The following CYP4A11 variants were observed in gnomAD, a reference collection of about 807,000 sequenced individuals.
The protein encoded by CYP4A11 is cytochrome P450 4A11.
A neutral mutation model predicts 57.7 loss-of-function variants in CYP4A11; 52 were observed. That is an observed-to-expected ratio of 0.90 (90% CI 0.72 to 1.14). The LOEUF is 1.14. CYP4A11 is among the 50% of genes most tolerant of loss of function. CYP4A11 has a pLI of 0.00. For missense variants in CYP4A11, 641 were observed against 642.1 expected (o/e 1.00, Z 0.02); for synonymous variants, 228 against 247.1 (o/e 0.92, Z 0.72).
rs770909706 is a variant in CYP4A11, at chr1:46,932,849, G to A, written c.1288-12C>T. Reference sequence around the variant, plus strand: ...AAAGGGTCAAACACCTGCAGAGAGAGCACCAGAGCCAGGATAGTTAAGGAT... The same window carrying A: ...AAAGGGTCAAACACCTGCAGAGAGAACACCAGAGCCAGGATAGTTAAGGAT... On this transcript the variant is annotated splice_polypyrimidine_tract_variant and intron_variant, in intron 10 of 11. Transcript: ENST00000310638. 30 of 1,614,104 alleles carry A rather than the reference G, an allele frequency of 1.9e-5. No homozygotes were observed. Among genetic ancestry groups the A allele is most frequent in the Non-Finnish European group, 2.5e-5 (29 of 1,180,038 alleles).
intron 11 of CYP4A11, chr1:46,931,641 A>G (rs1570053025): frequency 5.9e-6 from 4 of 681,544 alleles, no homozygotes; most frequent in Non-Finnish European, 7.2e-6. Context: ...AGTGGCAGCG[A>G]CATGATTTGC....
chr1:46,939,154 C>T (rs1011760526), intron 1 of CYP4A11, among the ~76,000 whole-genome samples: 1 of 152,236 alleles, frequency 6.6e-6, no homozygotes. Context: ...ATTTCAACTG[C>T]TTCTAGTAAA....
rs1233776645 is a variant in CYP4A11, at chr1:46,932,765, A to G, written c.1360T>C (p.Ser454Pro). Residue 454 changes from serine (S) to proline (P), a missense_variant, in exon 11 of 12, where the codon TCA (serine) becomes CCA (proline). Physicochemically the swap from Ser to Pro is moderately conservative, Grantham distance 74 (BLOSUM62 -1). Coordinates refer to ENST00000310638, the MANE Select transcript of CYP4A11 (RefSeq NM_000778.4). ...SHAFLPFSGG[S>P]RNCIGKQFAM... ...TTACCACACAGGACGTCTCACCTTG[A>G]TCCTCCTGAGAAGGGCAGGAAAGCG... 1.2e-6 allele frequency: 2 copies of G among 1,614,142 alleles called. No individual in the cohort carries two copies. The highest frequency in any genetic ancestry group is 2.2e-5 in the South Asian group (2 of 91,084).
intron 3 of CYP4A11, among the ~76,000 whole-genome samples, chr1:46,937,028 T>C (rs113508028): frequency 6.6e-6 from 1 of 152,046 alleles, no homozygotes; most frequent in African/African-American, 2.4e-5. Context: ...AGCTGTGAGA[T>C]AAAAGTTGAA....
intron 9 of CYP4A11, among the ~76,000 whole-genome samples, chr1:46,933,619 G>T (rs991918114): frequency 1.3e-5 from 2 of 152,166 alleles, no homozygotes; most frequent in Non-Finnish European, 1.5e-5. Context: ...AGCCTCTTTT[G>T]CACTGACCCC....
At position 46,929,994 on chromosome 1, in the gene CYP4A11, A is replaced by T. The variant is rs1187126775; in HGVS notation, c.*121T>A. 1 of 1,283,864 alleles carries T rather than the reference A, an allele frequency of 7.8e-7. No individual in the cohort carries two copies. Among genetic ancestry groups the T allele is most frequent in the Non-Finnish European group, 1.1e-6 (1 of 945,622 alleles). The allele number at this position is 1,283,864 out of a possible 1,614,324, so 79.5% of individuals were successfully genotyped here. ...AAAGGTGAGAGAGAGAAGGGCAGGC[A>T]GACTGGGGGACAGCAGGCAGGTGGG... On this transcript the variant is annotated 3_prime_UTR_variant, in exon 12 of 12. Transcript: ENST00000310638.
intron 11 of CYP4A11, among the ~76,000 whole-genome samples, chr1:46,931,326 C>T (rs1681016063): frequency 6.6e-6 from 1 of 152,190 alleles, no homozygotes; most frequent in East Asian, 1.9e-4. Context: ...AGTCCAGTGC[C>T]AAGGACAGCA....
chr1:46,934,690 G>A, intron 6 of CYP4A11, 131 bp from the exon 7 acceptor site: 6 of 1,023,286 alleles, frequency 5.9e-6, no homozygotes, highest in South Asian at 3.3e-5. Flanking sequence ...TGCAGGGTCA[G>A]GGGTGGAAGC....
chr1:46,934,856 C>A, intron 6 of CYP4A11, 144 bp downstream of exon 6: 1 of 1,421,564 alleles, frequency 7.0e-7, no homozygotes. Context: ...ATCTCAGCTC[C>A]CAGCCCCTGA....
Position 46,936,713 on chromosome 1 carries a change from A to G in CYP4A11, c.461T>C (p.Ile154Thr). The change falls in exon 4 of 12, where the codon ATC (isoleucine) becomes ACC (threonine). Residue 154 changes from isoleucine to threonine, a missense_variant. Coordinates refer to ENST00000310638, the MANE Select transcript of CYP4A11 (RefSeq NM_000778.4). ...RMLTPAFHYD[I>T]LKPYVGLMAD... Reference sequence around the variant, plus strand: ...CATGAGCCCCACATAGGGCTTCAGGATGTCATAGTGGAAGGCTGGGGTCAG... The same window carrying G: ...CATGAGCCCCACATAGGGCTTCAGGGTGTCATAGTGGAAGGCTGGGGTCAG... 6.2e-7 allele frequency: 1 copy of G among 1,613,856 alleles called. No individual in the cohort carries two copies. Among genetic ancestry groups the G allele is most frequent in the South Asian group, 1.1e-5 (1 of 91,024 alleles).
chr1:46,941,086 T>C (rs545651592), intron 1 of CYP4A11, 153 bp downstream of exon 1: 364 of 958,570 alleles, frequency 3.8e-4, no homozygotes, highest in Non-Finnish European at 4.5e-4. Context: ...TCCTCATGAC[T>C]GGGAAAAGCT....
At chr1:46,939,998 C>G (rs1218157911) in intron 1 of CYP4A11, among the ~76,000 whole-genome samples, 1 of 151,738 alleles carries the variant, frequency 6.6e-6, no homozygotes, top group Non-Finnish European at 1.5e-5. Context: ...CAACCCCTAT[C>G]TCTACTTAAG....
rs1681417850 is a variant in CYP4A11, at chr1:46,936,706, C to G, written c.468G>C (p.Lys156Asn). Residue 156 changes from lysine to asparagine, a missense_variant, in exon 4 of 12, where the codon AAG becomes AAC. Lys to Asn is a moderately conservative substitution (Grantham distance 94). Transcript: ENST00000310638. ...AGTCTGCCATGAGCCCCACATAGGG[C>G]TTCAGGATGTCATAGTGGAAGGCTG... ...LTPAFHYDIL[K>N]PYVGLMADSV... The G allele has an allele frequency of 6.2e-7, 1 of 1,613,562 alleles. No individual in the cohort carries two copies. The highest frequency in any genetic ancestry group is 8.5e-7 in the Non-Finnish European group (1 of 1,179,848).
At position 46,934,449 on chromosome 1, in the gene CYP4A11, T is replaced by C. The variant is rs376591399; in HGVS notation, c.897+4A>G. Reference sequence around the variant, plus strand: ...AGACTCAGGCCTCTCCTACACATACTCACTTTGGCCAAGAGGAGGATATCC... The same window carrying C: ...AGACTCAGGCCTCTCCTACACATACCCACTTTGGCCAAGAGGAGGATATCC... On this transcript the variant is annotated splice_donor_region_variant and intron_variant, in intron 7 of 11. Transcript: ENST00000310638. The C allele has an allele frequency of 5.5e-5, 88 of 1,613,484 alleles. No individual in the cohort carries two copies. Among genetic ancestry groups the C allele is most frequent in the Non-Finnish European group, 7.1e-5 (84 of 1,179,696 alleles).
chr1:46,932,837 C>A lies in CYP4A11; in HGVS notation c.1288G>T (p.Val430Leu), dbSNP rs1416004924. The A allele has an allele frequency of 6.2e-7, 1 of 1,614,058 alleles. No homozygotes were observed. Among genetic ancestry groups the A allele is most frequent in the Non-Finnish European group, 8.5e-7 (1 of 1,180,044 alleles). ...HNPKVWPNPE[V>L]FDPFRFAPGS... is the part of the protein sequence containing the mutation. ...GGTGCAAAACGGAAAGGGTCAAACA[C>A]CTGCAGAGAGAGCACCAGAGCCAGG... is the stretch of plus-strand genomic sequence containing the variant. The change falls in exon 11 of 12, where the codon GTG becomes TTG. Residue 430 changes from valine to leucine, a missense_variant and splice_region_variant. Physicochemically the swap from Val to Leu is conservative, Grantham distance 32. Coordinates refer to ENST00000310638, the MANE Select transcript of CYP4A11 (RefSeq NM_000778.4).
At chr1:46,940,341 C>A (rs1359700179) in intron 1 of CYP4A11, among the ~76,000 whole-genome samples, 1 of 152,158 alleles carries the variant, frequency 6.6e-6, no homozygotes, top group African/African-American at 2.4e-5. Flanking sequence ...TGTGTTGGGC[C>A]ACATTCAAAG....
chr1:46,941,131 T>G (rs561743612), intron 1 of CYP4A11, 108 bp downstream of exon 1: 7 of 1,482,084 alleles, frequency 4.7e-6, no homozygotes, highest in East Asian at 2.4e-5. Context: ...TTCCTTTGAG[T>G]CCTCACATTT....
intron 2 of CYP4A11, 115 bp downstream of exon 2, chr1:46,937,881 G>C: frequency 4.7e-6 from 7 of 1,492,954 alleles, no homozygotes; most frequent in Middle Eastern, 2.5e-4. Flanking sequence ...GGATGCGTGG[G>C]AGAGGTTTCA....
rs150667037 is a variant in CYP4A11, at chr1:46,932,987, G to C, written c.1283C>G (p.Pro428Arg). ...LHHNPKVWPN[P>R]EVFDPFRFAP... is the part of the protein sequence containing the mutation. Reference sequence around the variant, plus strand: ...CTCCTCTCAAGGACCACATACCTCTGGGTTGGGCCACACTTTTGGGTTGTG... The same window carrying C: ...CTCCTCTCAAGGACCACATACCTCTCGGTTGGGCCACACTTTTGGGTTGTG... Residue 428 changes from proline to arginine, a missense_variant, in exon 10 of 12, where the codon CCA becomes CGA. Pro to Arg is a moderately radical substitution (Grantham distance 103, BLOSUM62 -2). Transcript: ENST00000310638. The C allele has an allele frequency of 1.4e-5, 22 of 1,614,192 alleles. No individual in the cohort carries two copies. The highest frequency in any genetic ancestry group is 1.6e-5 in the Non-Finnish European group (19 of 1,180,038).
Sources: gnomAD v4.1 joint callset for allele counts (sites outside exome capture counted in the v4.1 genomes callset) on GRCh38, gnomAD v4.1.1 for gene constraint, MANE v1.5 for transcripts, NCBI Gene and HGNC (gene_info 2026-07-23, HGNC 2026-07-21) for gene names.